CDX2: variants seen among roughly 807,000 people sequenced by gnomAD.
CDX2 encodes the protein homeobox protein CDX-2.
CDX2 carries 7 observed loss-of-function variants against 25.5 expected under a neutral mutation model. The ratio of observed to expected loss-of-function variants is 0.27; its 90% CI spans 0.16 to 0.52. CDX2 has a LOEUF of 0.52. Among genes scored for constraint, CDX2 ranks in the 20% least tolerant of loss-of-function variants. The pLI is 0.97. For missense variants in CDX2, 375 were observed against 431.4 expected (o/e 0.87, Z 1.16); for synonymous variants, 222 against 198.6 (o/e 1.12, Z -0.99).
Position 27,964,034 on chromosome 13 carries a change from T to A in CDX2, c.688-665A>T, listed in dbSNP as rs562567267. 6.6e-6 allele frequency among the ~76,000 whole-genome samples: 1 copy of A among 152,014 alleles called. No individual in the cohort carries two copies. Among genetic ancestry groups the A allele is most frequent in the African/African-American group, 2.4e-5 (1 of 41,360 alleles). ...CTGTTTTTCACACTTCTTATATCCC[T>A]CAAAAGAGAGAGACAGAAAAAATCA... On this transcript the variant is annotated intron_variant, in intron 2 of 2. Coordinates refer to ENST00000381020, the MANE Select transcript of CDX2 (RefSeq NM_001265.6). The surrounding 1 kb of genome is among the most constrained non-coding windows in gnomAD (Gnocchi z 4.7).
Position 27,962,402 on chromosome 13 carries a change from C to T in CDX2, c.*713G>A. On this transcript the variant is annotated 3_prime_UTR_variant, in exon 3 of 3. Coordinates refer to ENST00000381020, the MANE Select transcript of CDX2 (RefSeq NM_001265.6). ...CTCTGGCATTTATAGCACTGACATA[C>T]ATTCAGCCCAGAGAAGCTCTGGTGA... is the stretch of plus-strand genomic sequence containing the variant. 4.3e-6 allele frequency: 1 copy of T among 232,248 alleles called. No homozygotes were observed. The highest frequency in any genetic ancestry group is 1.3e-3 in the Middle Eastern group (1 of 774). The allele number at this position is 232,248 out of a possible 1,614,324, so 14.4% of individuals were successfully genotyped here. A position where few individuals can be genotyped will look rare whatever the true frequency, so the allele number is the denominator to read the frequency against.
rs1416249492 is a variant in CDX2, at chr13:27,968,724, C to A, written c.283G>T (p.Gly95Cys). 1 of 1,523,338 alleles carries A rather than the reference C, an allele frequency of 6.6e-7. No individual in the cohort carries two copies. Among genetic ancestry groups the A allele is most frequent in the Non-Finnish European group, 8.8e-7 (1 of 1,141,004 alleles). The allele number at this position is 1,523,338 out of a possible 1,614,324, so 94.4% of individuals were successfully genotyped here. A position where few individuals can be genotyped will look rare whatever the true frequency, so the allele number is the denominator to read the frequency against. The stretch of plus-strand genomic sequence containing the variant: ...GCGGCCGGGGAGCCACCGTTGAGGC[C>A]GTGAGCCACGGCGTTGGCGGCGGCC... Reference protein sequence around the residue: ...AAAAANAVAHGLNGGSPAAAM... With the variant: ...AAAAANAVAHCLNGGSPAAAM... The change falls in exon 1 of 3, where the codon GGC (glycine) becomes TGC (cysteine). Residue 95 changes from glycine (G) to cysteine (C), a missense_variant. Around this residue, in one of 3 missense-constraint regions of CDX2, gnomAD observed 253 missense variants for 247.5 expected, o/e 1.02. Coordinates refer to ENST00000381020, the MANE Select transcript of CDX2 (RefSeq NM_001265.6).
chr13:27,964,905 C>G lies in CDX2; in HGVS notation c.652G>C (p.Glu218Gln). 1 of 1,614,068 alleles carries G rather than the reference C, an allele frequency of 6.2e-7. No individual in the cohort carries two copies. The highest frequency in any genetic ancestry group is 8.5e-7 in the Non-Finnish European group (1 of 1,179,986). ...SRYITIRRKA[E>Q]LAATLGLSER... ...GAGAGCCCCAGCGTGGCGGCTAGCT[C>G]GGCTTTCCTCCGGATGGTGATGTAG... Residue 218 changes from glutamate (E) to glutamine (Q), a missense_variant, in exon 2 of 3, where the codon GAG becomes CAG. Transcript: ENST00000381020. This position sits in a 1 kb window ranked among gnomAD's most constrained non-coding sequence, Gnocchi z 4.7.
chr13:27,967,867 G>A (rs1287745677), intron 1 of CDX2, among the ~76,000 whole-genome samples: 1 of 152,140 alleles, frequency 6.6e-6, no homozygotes, highest in African/African-American at 2.4e-5. Context: ...AGCAGCTGGG[G>A]CTAGCACCTT....
intron 1 of CDX2, 108 bp from the exon 2 acceptor site, chr13:27,965,123 G>A: frequency 3.2e-6 from 4 of 1,241,976 alleles, no homozygotes; most frequent in Non-Finnish European, 4.5e-6. Flanking sequence ...CCACCACCCT[G>A]GGGGGCCCGG....
Position 27,963,149 on chromosome 13 carries a change from G to T in CDX2, c.908C>A (p.Thr303Asn). The T allele has an allele frequency of 1.2e-6, 2 of 1,614,062 alleles. No homozygotes were observed. Among genetic ancestry groups the T allele is most frequent in the Non-Finnish European group, 1.7e-6 (2 of 1,179,948 alleles). The part of the protein sequence containing the change: ...PGSVPGVLGP[T>N]GGVLNPTVTQ The stretch of plus-strand genomic sequence containing the variant: ...GACGGTGGGGTTTAGCACCCCCCCA[G>T]TTGGCCCCAGAACCCCAGGGACAGA... The change falls in exon 3 of 3, where the codon ACT (threonine) becomes AAT (asparagine). Residue 303 changes from threonine (T) to asparagine (N), a missense_variant. Thr to Asn is a moderately conservative substitution (Grantham distance 65). Transcript: ENST00000381020.
At chr13:27,968,056 C>T (rs1165112789) in intron 1 of CDX2, among the ~76,000 whole-genome samples, 5 of 152,164 alleles carry the variant, frequency 3.3e-5, no homozygotes, top group Non-Finnish European at 7.3e-5. Flanking sequence ...TAGACCTAGC[C>T]CAAGAAGGTT....
intron 1 of CDX2, among the ~76,000 whole-genome samples, chr13:27,965,967 C>G (rs1435594641): frequency 1.3e-5 from 2 of 152,230 alleles, no homozygotes; most frequent in Middle Eastern, 3.2e-3. Context: ...ACAGAAAGAT[C>G]TGAAGGGCCT....
rs774532499 is a variant in CDX2, at chr13:27,968,438, C to T, written c.541+28G>A. The stretch of plus-strand genomic sequence containing the variant: ...GCTCGACCCGCGCCTTCCCAAGCAC[C>T]CTCCGAAGGGGCGCAGCCTCTGCTT... On this transcript the variant is annotated intron_variant, in intron 1 of 2. Coordinates refer to ENST00000381020, the MANE Select transcript of CDX2 (RefSeq NM_001265.6). 4.1e-6 allele frequency: 6 copies of T among 1,480,452 alleles called. No individual in the cohort carries two copies. In the East Asian group the frequency reaches 1.6e-4, roughly 39 times the overall value. 91.7% of individuals were successfully genotyped at this position (1,480,452 alleles called of 1,614,324 possible). A position where few individuals can be genotyped will look rare whatever the true frequency, so the allele number is the denominator to read the frequency against.
chr13:27,967,887 G>C (rs1308167338), intron 1 of CDX2, among the ~76,000 whole-genome samples: 1 of 152,152 alleles, frequency 6.6e-6, no homozygotes, highest in Non-Finnish European at 1.5e-5. Flanking sequence ...TCTTCCCAGC[G>C]ACAGCAGCTC....
intron 1 of CDX2, 77 bp from the exon 2 acceptor site, chr13:27,965,092 C>T: frequency 1.4e-6 from 2 of 1,466,426 alleles, no homozygotes; most frequent in South Asian, 1.2e-5. Context: ...ACCTCCCTAA[C>T]CCAGGGACAT....
In CDX2 at chr13:27,961,564, C is replaced by G. The variant is rs1250635049; in HGVS notation, c.*1551G>C. ...GGGGTGATTGGGTTGGAAGGGGGGG[C>G]GCGGTCGGGGATAAGGAAACTGCAA... On this transcript the variant is annotated 3_prime_UTR_variant, in exon 3 of 3. Coordinates refer to ENST00000381020, the MANE Select transcript of CDX2 (RefSeq NM_001265.6). Among the ~76,000 whole-genome samples, 1 of 151,660 alleles carries G rather than the reference C, an allele frequency of 6.6e-6. No individual in the cohort carries two copies. The highest frequency in any genetic ancestry group is 1.5e-5 in the Non-Finnish European group (1 of 67,928).
rs568090881 is a variant in CDX2 at position 27,962,409 on chromosome 13, C to A, written c.*706G>T. 1.1e-4 allele frequency: 25 copies of A among 232,582 alleles called. No individual in the cohort carries two copies. Among genetic ancestry groups the A allele is most frequent in the Non-Finnish European group, 1.6e-4 (19 of 117,450 alleles). The allele number at this position is 232,582 out of a possible 1,614,324, so 14.4% of individuals were successfully genotyped here. A position where few individuals can be genotyped will look rare whatever the true frequency, so the allele number is the denominator to read the frequency against. ...ATTTATAGCACTGACATACATTCAG[C>A]CCAGAGAAGCTCTGGTGACAGGCTC... On this transcript the variant is annotated 3_prime_UTR_variant, in exon 3 of 3. Transcript: ENST00000381020.
intron 1 of CDX2, 106 bp from the exon 2 acceptor site, chr13:27,965,121 C>G: frequency 7.9e-7 from 1 of 1,268,830 alleles, no homozygotes; most frequent in Non-Finnish European, 1.1e-6. Flanking sequence ...CTCCACCACC[C>G]TGGGGGGCCC....
Position 27,963,285 on chromosome 13 carries a change from G to C in CDX2, c.772C>G (p.Pro258Ala). The C allele has an allele frequency of 3.7e-6, 6 of 1,614,052 alleles. No individual in the cohort carries two copies. Among genetic ancestry groups the C allele is most frequent in the Non-Finnish European group, 5.1e-6 (6 of 1,179,894 alleles). Residue 258 changes from proline (P) to alanine (A), a missense_variant, in exon 3 of 3, where the codon CCA becomes GCA. Physicochemically the swap from Pro to Ala is conservative, Grantham distance 27. This residue lies in a region of CDX2 where 64 missense variants were observed against 124.6 expected (regional missense o/e 0.51). Transcript: ENST00000381020. ...KLQQQQQQQP[P>A]QPPPPPPQPP... ...TGTGGTGGCGGCGGAGGCGGCTGTG[G>C]TGGCTGCTGCTGCTGTTGCTGCTGC...
At chr13:27,963,436 C>T in intron 2 of CDX2, 67 bp from the exon 3 acceptor site, 1 of 1,269,784 alleles carries the variant, frequency 7.9e-7, no homozygotes, top group Non-Finnish European at 1.1e-6. Flanking sequence ...GAACAGTACC[C>T]AGCAGTATCA....
chr13:27,968,701 G>C lies in CDX2; in HGVS notation c.306C>G (p.Ala102=). 2.6e-6 allele frequency: 4 copies of C among 1,531,228 alleles called. No homozygotes were observed. The highest frequency in any genetic ancestry group is 3.5e-6 in the Non-Finnish European group (4 of 1,143,746). The allele number at this position is 1,531,228 out of a possible 1,614,324, so 94.9% of individuals were successfully genotyped here. A position where few individuals can be genotyped will look rare whatever the true frequency, so the allele number is the denominator to read the frequency against. Residue 102 remains alanine, a synonymous_variant, in exon 1 of 3, where the codon GCC becomes GCG. Coordinates refer to ENST00000381020, the MANE Select transcript of CDX2 (RefSeq NM_001265.6). ...CGGGGCTGCTGTAGCCCATGGCTGC[G>C]GCCGGGGAGCCACCGTTGAGGCCGT... is the stretch of plus-strand genomic sequence containing the variant. The part of the protein sequence containing the change: ...VAHGLNGGSP[A]AAMGYSSPAD...
Position 27,968,892 on chromosome 13 carries a change from C to A in CDX2, c.115G>T (p.Asp39Tyr), listed in dbSNP as rs1245118789. The A allele has an allele frequency of 6.2e-7, 1 of 1,607,230 alleles. No homozygotes were observed. Residue 39 changes from aspartate to tyrosine, a missense_variant, in exon 1 of 3, where the codon GAC becomes TAC. Physicochemically the swap from Asp to Tyr is radical, Grantham distance 160. Coordinates refer to ENST00000381020, the MANE Select transcript of CDX2 (RefSeq NM_001265.6). The stretch of plus-strand genomic sequence containing the variant: ...GCCGCCACGTGGTAACCGCCGTAGT[C>A]CGGGTACTGCGGGGGGCTGACGAAG... The part of the protein sequence containing the change: ...QNFVSPPQYP[D>Y]YGGYHVAAAA...
Position 27,968,898 on chromosome 13 carries a change from A to ACTGCGGGGGGCTGACGAAGTT in CDX2, c.88_108dup (p.Asn30_Gln36dup), listed in dbSNP as rs1869491971. On this transcript the variant is annotated inframe_insertion, in exon 1 of 3. Transcript: ENST00000381020. ...ACGTGGTAACCGCCGTAGTCCGGGT[A>ACTGCGGGGGGCTGACGAAGTT]CTGCGGGGGGCTGACGAAGTTCTGC... 7 of 1,607,892 alleles carry ACTGCGGGGGGCTGACGAAGTT rather than the reference A, an allele frequency of 4.4e-6. No individual in the cohort carries two copies. Among genetic ancestry groups the ACTGCGGGGGGCTGACGAAGTT allele is most frequent in the Non-Finnish European group, 5.1e-6 (6 of 1,178,386 alleles).
Sources: gnomAD v4.1 joint callset for allele counts (sites outside exome capture counted in the v4.1 genomes callset) on GRCh38, gnomAD v4.1.1 for gene constraint, gnomAD v4.1.1 regional missense constraint, Gnocchi (gnomAD v3.1) non-coding constraint, MANE v1.5 for transcripts, NCBI Gene and HGNC (gene_info 2026-07-23, HGNC 2026-07-21) for gene names.